GRIK4: variants seen among roughly 807,000 people sequenced by gnomAD.
The protein encoded by GRIK4 is glutamate receptor ionotropic, kainate 4.
GRIK4 carries 40 observed loss-of-function variants against 104.9 expected under a neutral mutation model. The observed-to-expected ratio is 0.38, with a 90% CI of 0.30 to 0.50. The LOEUF is 0.50. Among genes scored for constraint, GRIK4 ranks in the 20% least tolerant of loss-of-function variants. The pLI, the probability that GRIK4 is intolerant of heterozygous loss-of-function variation, is 0.93. For synonymous variants in GRIK4, 485 were observed against 524.9 expected, an observed-to-expected ratio of 0.92 and a Z score of 1.04; for missense variants, 1,047 against 1,308.1, an observed-to-expected ratio of 0.80 and a Z score of 3.08.
intron 1 of GRIK4, among the ~76,000 whole-genome samples, chr11:120,622,729 G>A (rs1013127968): frequency 5.3e-5 from 8 of 152,220 alleles, no homozygotes; most frequent in African/African-American, 1.9e-4. Flanking sequence ...CAGCAGGGCT[G>A]TGCTCCCGCC....
At chr11:120,906,900 C>T (rs112546594) in intron 13 of GRIK4, among the ~76,000 whole-genome samples, 2,852 of 152,282 alleles carry the variant, frequency 0.019, 96 homozygotes, top group African/African-American at 0.066. Context: ...GAGGCCTTGC[C>T]TTCAGAGGGG....
In GRIK4 at chr11:120,987,628, A is replaced by T. The variant is rs1944779000; in HGVS notation, c.*1368A>T. 6.6e-6 allele frequency: 1 copy of T among 152,194 alleles called. No individual in the cohort carries two copies. The highest frequency in any genetic ancestry group is 1.5e-5 in the Non-Finnish European group (1 of 68,042). 9.4% of individuals were successfully genotyped at this position (152,194 alleles called of 1,614,324 possible). On this transcript the variant is annotated 3_prime_UTR_variant, in exon 21 of 21. Coordinates refer to ENST00000527524, the MANE Select transcript of GRIK4 (RefSeq NM_014619.5). ...TTGAGCAGTAGCCCTCCCACCTTGT[A>T]TGACTTTAGGTAAAGCATTTAACTT...
intron 13 of GRIK4, among the ~76,000 whole-genome samples, chr11:120,910,940 T>C (rs918389856): frequency 6.6e-6 from 1 of 152,132 alleles, no homozygotes; most frequent in Non-Finnish European, 1.5e-5. Context: ...GAGAAGAACA[T>C]GCCAGTGAGG....
intron 1 of GRIK4, among the ~76,000 whole-genome samples, chr11:120,560,623 T>C (rs1042436774): frequency 2.6e-5 from 4 of 152,212 alleles, no homozygotes; most frequent in Admixed American, 2.0e-4. Context: ...AAGAGTCAAA[T>C]TGAGGTTCTA....
intron 3 of GRIK4, among the ~76,000 whole-genome samples, chr11:120,775,467 C>T (rs1322208097): frequency 6.6e-6 from 1 of 152,204 alleles, no homozygotes; most frequent in Non-Finnish European, 1.5e-5. Flanking sequence ...TCAGACCTTA[C>T]AGGGCTATCT....
At chr11:120,604,225 GCTACTAACATT>G (rs1948927930) in intron 1 of GRIK4, among the ~76,000 whole-genome samples, 1 of 147,524 alleles carries the variant, frequency 6.8e-6, no homozygotes, top group Non-Finnish European at 1.5e-5. Context: ...TCGTTTGGAA[GCTACTAACATT>G]CTACAGTGCA....
chr11:120,973,048 C>A (rs560236084), intron 19 of GRIK4, among the ~76,000 whole-genome samples: 2 of 152,258 alleles, frequency 1.3e-5, no homozygotes, highest in Non-Finnish European at 2.9e-5. Flanking sequence ...ACCTGAAATA[C>A]ATCCCGGGAA....
At chr11:120,798,092 T>A in intron 3 of GRIK4, among the ~76,000 whole-genome samples, 1 of 151,288 alleles carries the variant, frequency 6.6e-6, no homozygotes, top group Non-Finnish European at 1.5e-5. Context: ...TTCCCTGGTT[T>A]GCAGATAGCC....
At chr11:120,526,269 T>G (rs1161873017) in intron 1 of GRIK4, among the ~76,000 whole-genome samples, 1 of 152,138 alleles carries the variant, frequency 6.6e-6, no homozygotes, top group Non-Finnish European at 1.5e-5. Context: ...TGGCATGATC[T>G]CCATCTCCCG....
intron 3 of GRIK4, among the ~76,000 whole-genome samples, chr11:120,728,076 C>T (rs1951063458): frequency 6.6e-6 from 1 of 152,086 alleles, no homozygotes; most frequent in African/African-American, 2.4e-5. Context: ...AAAGAGCACA[C>T]TGTGCACCTC....
intron 20 of GRIK4, among the ~76,000 whole-genome samples, chr11:120,983,560 TC>T (rs1054428305): frequency 2.0e-5 from 3 of 152,212 alleles, no homozygotes; most frequent in Non-Finnish European, 2.9e-5. Context: ...CTCTCTTGGT[TC>T]CCCTCCTGTT....
intron 3 of GRIK4, among the ~76,000 whole-genome samples, chr11:120,767,726 G>A (rs1951864405): frequency 6.6e-6 from 1 of 152,096 alleles, no homozygotes; most frequent in South Asian, 2.1e-4. Context: ...ATTTTTGTGT[G>A]TGGTGTAAGA....
intron 1 of GRIK4, among the ~76,000 whole-genome samples, chr11:120,517,782 C>T (rs931760806): frequency 4.6e-5 from 7 of 152,130 alleles, no homozygotes; most frequent in African/African-American, 1.7e-4. Flanking sequence ...GGGAAGGGGC[C>T]GGCCCCTAGC....
At chr11:120,753,326 TGTGTGTGTGTGTGTGTGC>T (rs1951593506) in intron 3 of GRIK4, among the ~76,000 whole-genome samples, 1 of 132,588 alleles carries the variant, frequency 7.5e-6, no homozygotes, top group Non-Finnish European at 1.8e-5. Flanking sequence ...TGTGTGTGTG[TGTGTGTGTGTGTGTGTGC>T]AGGGTGGCTA....
intron 3 of GRIK4, among the ~76,000 whole-genome samples, chr11:120,764,950 C>G (rs145908445): frequency 1.3e-3 from 203 of 152,204 alleles, no homozygotes; most frequent in African/African-American, 3.7e-3. Context: ...TTGCTCTTCT[C>G]TAGGAGTATC....
chr11:120,820,112 TGTG>T (rs1953072807), intron 6 of GRIK4, among the ~76,000 whole-genome samples, 192 bp downstream of exon 6: 4 of 151,174 alleles, frequency 2.6e-5, no homozygotes, highest in African/African-American at 4.9e-5. Context: ...TGTGTGTGTG[TGTG>T]TTTAAGAGAG....
chr11:120,921,937 C>T (rs530798404), intron 13 of GRIK4, among the ~76,000 whole-genome samples: 1 of 152,300 alleles, frequency 6.6e-6, no homozygotes, highest in Non-Finnish European at 1.5e-5. Context: ...ATCAAGCTTG[C>T]AGGCTTTCTT....
intron 1 of GRIK4, among the ~76,000 whole-genome samples, chr11:120,636,611 G>C (rs1441013307): frequency 6.6e-6 from 1 of 152,156 alleles, no homozygotes; most frequent in African/African-American, 2.4e-5. Flanking sequence ...GGAGGCTCAG[G>C]CCGGTGGATC....
intron 1 of GRIK4, among the ~76,000 whole-genome samples, chr11:120,650,349 A>G (rs1258377956): frequency 2.0e-5 from 3 of 152,218 alleles, no homozygotes; most frequent in Non-Finnish European, 4.4e-5. Context: ...AAATCAACAG[A>G]GTAGATACGC....
Sources: gnomAD v4.1 joint callset for allele counts (sites outside exome capture counted in the v4.1 genomes callset) on GRCh38, gnomAD v4.1.1 for gene constraint, MANE v1.5 for transcripts, NCBI Gene and HGNC (gene_info 2026-07-23, HGNC 2026-07-21) for gene names.